Variants in ERC2 observed in about 807,000 individuals in gnomAD.
ERC2 encodes ELKS/RAB6-interacting/CAST family member 2.
ERC2 carries 42 observed loss-of-function variants against 114.8 expected under a neutral mutation model. The ratio of observed to expected loss-of-function variants is 0.37; its 90% CI spans 0.29 to 0.47. ERC2 has a LOEUF of 0.47. Among genes scored for constraint, ERC2 ranks in the 20% least tolerant of loss-of-function variants. The pLI, the probability that ERC2 is intolerant of heterozygous loss-of-function variation, is 0.99. For missense variants in ERC2, 939 were observed against 1,150.7 expected (o/e 0.82, Z 2.66); for synonymous variants, 454 against 425.5 (o/e 1.07, Z -0.82).
intron 15 of ERC2, among the ~76,000 whole-genome samples, chr3:55,715,230 A>C (rs1350195485): frequency 6.6e-6 from 1 of 152,168 alleles, no homozygotes; most frequent in East Asian, 1.9e-4. Flanking sequence ...CAGGCTCTGA[A>C]CCAAGACACT....
intron 13 of ERC2, among the ~76,000 whole-genome samples, chr3:55,920,661 CT>C (rs2065374287): frequency 6.6e-6 from 1 of 152,058 alleles, no homozygotes. Context: ...TTTAGTGCTT[CT>C]TTATCTGCTT....
intron 5 of ERC2, among the ~76,000 whole-genome samples, chr3:56,143,566 C>T (rs1414808779): frequency 6.6e-6 from 1 of 152,148 alleles, no homozygotes; most frequent in Non-Finnish European, 1.5e-5. Context: ...GACTTTGTTC[C>T]TCATTTGCCT....
intron 13 of ERC2, among the ~76,000 whole-genome samples, chr3:55,914,733 C>T (rs781555487): frequency 2.5e-4 from 38 of 152,140 alleles, no homozygotes; most frequent in Non-Finnish European, 7.4e-5. Context: ...CCTAGGCCCA[C>T]AAAGGAAGCA....
At chr3:56,265,309 G>A (rs1246080714) in intron 3 of ERC2, among the ~76,000 whole-genome samples, 1 of 152,046 alleles carries the variant, frequency 6.6e-6, no homozygotes, top group Non-Finnish European at 1.5e-5. Context: ...AAGCATATAT[G>A]GTCAACTAAT....
At chr3:55,996,725 C>T (rs1270232797) in intron 10 of ERC2, among the ~76,000 whole-genome samples, 2 of 152,140 alleles carry the variant, frequency 1.3e-5, no homozygotes, top group Non-Finnish European at 2.9e-5. Context: ...TGTGAACTGA[C>T]TTTGAAAGCC....
chr3:55,977,738 T>C (rs905693407), intron 12 of ERC2, among the ~76,000 whole-genome samples: 8 of 152,212 alleles, frequency 5.3e-5, no homozygotes, highest in African/African-American at 1.9e-4. Context: ...CCTACAGATA[T>C]ATTCACATAC....
At chr3:56,185,726 T>C (rs957338657) in intron 3 of ERC2, among the ~76,000 whole-genome samples, 2 of 152,216 alleles carry the variant, frequency 1.3e-5, no homozygotes, top group African/African-American at 2.4e-5. Context: ...ACTAATATGT[T>C]ACATTATATG....
At chr3:56,040,115 C>T (rs747333748) in intron 7 of ERC2, among the ~76,000 whole-genome samples, 14 of 151,922 alleles carry the variant, frequency 9.2e-5, no homozygotes, top group South Asian at 2.1e-4. Context: ...AACCCCAAAA[C>T]GGGTAGCAAA....
chr3:56,333,538 A>G (rs2057722732), intron 2 of ERC2, among the ~76,000 whole-genome samples: 1 of 152,208 alleles, frequency 6.6e-6, no homozygotes, highest in African/African-American at 2.4e-5. Context: ...TATCAAAATA[A>G]TTTGTCTAAA....
chr3:56,123,189 CA>C (rs1376405578), intron 6 of ERC2, among the ~76,000 whole-genome samples: 2 of 152,088 alleles, frequency 1.3e-5, no homozygotes, highest in African/African-American at 4.8e-5. Context: ...CCCCAAAATT[CA>C]TATGTTGAAA....
chr3:56,441,137 G>A (rs1247886012), intron 1 of ERC2, among the ~76,000 whole-genome samples: 1 of 152,202 alleles, frequency 6.6e-6, no homozygotes, highest in Non-Finnish European at 1.5e-5. Context: ...ATGCAAAGAA[G>A]TCCAAGCTAT....
At chr3:55,893,953 C>T (rs1400888729) in intron 13 of ERC2, among the ~76,000 whole-genome samples, 4 of 152,150 alleles carry the variant, frequency 2.6e-5, no homozygotes, top group Non-Finnish European at 4.4e-5. Context: ...AACAATAGTA[C>T]TTATAGTATT....
chr3:55,770,046 T>C (rs928500616), intron 14 of ERC2, among the ~76,000 whole-genome samples: 2 of 152,176 alleles, frequency 1.3e-5, no homozygotes, highest in African/African-American at 4.8e-5. Context: ...ACGAATGGGA[T>C]ATAAGAGAAA....
chr3:56,047,036 A>G (rs1465820189), intron 7 of ERC2, among the ~76,000 whole-genome samples: 2 of 152,176 alleles, frequency 1.3e-5, no homozygotes, highest in African/African-American at 4.8e-5. Flanking sequence ...AAGAAAACAT[A>G]AACCCGGGCT....
chr3:56,458,938 A>G (rs2063188301), intron 1 of ERC2, among the ~76,000 whole-genome samples: 1 of 152,220 alleles, frequency 6.6e-6, no homozygotes, highest in South Asian at 2.1e-4. Context: ...CTGGCTGACA[A>G]AACGGAGCAT....
intron 14 of ERC2, among the ~76,000 whole-genome samples, chr3:55,842,322 G>C (rs1312699864): frequency 3.9e-5 from 6 of 152,108 alleles, no homozygotes; most frequent in African/African-American, 1.4e-4. Flanking sequence ...CAGAAGTGTT[G>C]AAGGGCTGCA....
intron 3 of ERC2, among the ~76,000 whole-genome samples, chr3:56,215,344 T>C (rs1262390898): frequency 6.6e-6 from 1 of 152,202 alleles, no homozygotes; most frequent in Non-Finnish European, 1.5e-5. Flanking sequence ...GTTGCAATCC[T>C]AGTCTCTGAT....
intron 7 of ERC2, among the ~76,000 whole-genome samples, chr3:56,060,061 G>A (rs776235148): frequency 1.5e-4 from 23 of 152,136 alleles, no homozygotes; most frequent in Non-Finnish European, 2.8e-4. Flanking sequence ...TCTTTAATAT[G>A]TGTTCATTTT....
chr3:56,131,048 T>C (rs1405000249), intron 6 of ERC2, among the ~76,000 whole-genome samples: 1 of 151,924 alleles, frequency 6.6e-6, no homozygotes, highest in East Asian at 1.9e-4. Context: ...ACTCTCAAAA[T>C]GGAAAGGGAA....
Sources: allele counts gnomAD v4.1 joint callset (sites outside exome capture counted in the v4.1 genomes callset), GRCh38; gene constraint gnomAD v4.1.1; transcripts MANE v1.5; gene names NCBI Gene and HGNC (gene_info 2026-07-23, HGNC 2026-07-21).